The following ERI3 variants were observed in gnomAD, a reference collection of about 807,000 sequenced individuals.
ERI3 encodes ERI1 exoribonuclease family member 3.
ERI3 carries 18 observed loss-of-function variants against 44.4 expected under a neutral mutation model. The observed-to-expected ratio is 0.41, with a 90% CI of 0.28 to 0.60. The LOEUF (loss-of-function observed/expected upper bound fraction) is 0.60, where lower values mean the gene tolerates loss of function less well. Ranked by LOEUF, ERI3 falls within the 20% of genes least tolerant of loss-of-function variation. The probability of loss-of-function intolerance (pLI) is 0.36; values close to 1 mark genes in which losing one functional copy is unlikely to be tolerated. For synonymous variants in ERI3, 183 were observed against 164.8 expected, an observed-to-expected ratio of 1.11 and a Z score of -0.84; for missense variants, 294 against 435.5, an observed-to-expected ratio of 0.68 and a Z score of 2.89.
intron 7 of ERI3, among the ~76,000 whole-genome samples, chr1:44,249,560 A>G (rs1644631859): frequency 6.6e-6 from 1 of 152,114 alleles, no homozygotes; most frequent in African/African-American, 2.4e-5. Context: ...GCACCCTCTA[A>G]AGCCATTCTC....
chr1:44,284,866 T>G lies in ERI3; in HGVS notation c.800A>C (p.Asp267Ala). ...QCQYLGLPVADYFKQWINLKK... is the reference protein window; with the variant it reads ...QCQYLGLPVAAYFKQWINLKK... ...CAGATTAATCCACTGCTTGAAGTAA[T>G]CCGCCACTGGCAAGCCCAAGTACTG... Residue 267 changes from aspartate to alanine, a missense_variant, in exon 7 of 9, where the codon GAT (aspartate) becomes GCT (alanine). Physicochemically the swap from Asp to Ala is moderately radical, Grantham distance 126. Transcript: ENST00000372257. The G allele has an allele frequency of 1.2e-6, 2 of 1,614,054 alleles. No homozygotes were observed. The highest frequency in any genetic ancestry group is 1.7e-6 in the Non-Finnish European group (2 of 1,180,008).
At chr1:44,336,009 G>A (rs975033027) in intron 3 of ERI3, among the ~76,000 whole-genome samples, 2 of 151,950 alleles carry the variant, frequency 1.3e-5, no homozygotes, top group Non-Finnish European at 2.9e-5. Context: ...CGTACTCCTT[G>A]GAATAATTAC....
chr1:44,272,912 T>C (rs541274167), intron 7 of ERI3, among the ~76,000 whole-genome samples: 2 of 151,998 alleles, frequency 1.3e-5, no homozygotes, highest in African/African-American at 4.8e-5. Flanking sequence ...AAAAACAAAT[T>C]TACTATAGTT....
At chr1:44,229,137 G>A (rs1025781698) in intron 8 of ERI3, among the ~76,000 whole-genome samples, 13 of 152,198 alleles carry the variant, frequency 8.5e-5, no homozygotes, top group African/African-American at 1.9e-4. Flanking sequence ...ATTGTGCTGC[G>A]AGCCAAAGAG....
intron 2 of ERI3, among the ~76,000 whole-genome samples, chr1:44,352,017 A>G (rs907545820): frequency 3.3e-5 from 5 of 152,184 alleles, no homozygotes; most frequent in East Asian, 3.9e-4. Flanking sequence ...CCTTTTTACT[A>G]TCAGTCTCTC....
intron 7 of ERI3, among the ~76,000 whole-genome samples, chr1:44,257,716 C>T (rs1224825480): frequency 6.6e-6 from 1 of 152,178 alleles, no homozygotes; most frequent in Non-Finnish European, 1.5e-5. Context: ...CACATACACC[C>T]TCCCTCTAAC....
At chr1:44,272,495 A>G (rs1294678177) in intron 7 of ERI3, among the ~76,000 whole-genome samples, 10 of 152,150 alleles carry the variant, frequency 6.6e-5, no homozygotes, top group African/African-American at 2.4e-4. Context: ...TGGGGGGTAA[A>G]TCTCACATAC....
chr1:44,245,376 CAAG>C (rs1308777412), intron 8 of ERI3, among the ~76,000 whole-genome samples: 2 of 152,164 alleles, frequency 1.3e-5, no homozygotes, highest in African/African-American at 4.8e-5. Flanking sequence ...GACCAAGTGT[CAAG>C]AAGCCCAGTG....
intron 2 of ERI3, among the ~76,000 whole-genome samples, chr1:44,350,742 C>T (rs1035819874): frequency 6.6e-6 from 1 of 151,994 alleles, no homozygotes; most frequent in African/African-American, 2.4e-5. Flanking sequence ...ATAAGAAAAG[C>T]GTATTTATAG....
chr1:44,303,085 A>C (rs1331629367), intron 6 of ERI3, among the ~76,000 whole-genome samples: 2 of 152,228 alleles, frequency 1.3e-5, no homozygotes, highest in African/African-American at 4.8e-5. Flanking sequence ...TCACTTTTCC[A>C]GGAGTCCCAA....
chr1:44,288,006 G>A (rs1645429740), intron 6 of ERI3, among the ~76,000 whole-genome samples: 1 of 152,158 alleles, frequency 6.6e-6, no homozygotes, highest in Admixed American at 6.5e-5. Flanking sequence ...CCCTGGGAGA[G>A]GGATGGGCTC....
chr1:44,294,028 G>A (rs886349020), intron 6 of ERI3, among the ~76,000 whole-genome samples: 18 of 152,380 alleles, frequency 1.2e-4, no homozygotes, highest in African/African-American at 3.8e-4. Flanking sequence ...GCCCTCCCAC[G>A]GGTGCCCTCT....
intron 6 of ERI3, among the ~76,000 whole-genome samples, chr1:44,299,271 C>T (rs951932552): frequency 6.6e-6 from 1 of 152,070 alleles, no homozygotes; most frequent in African/African-American, 2.4e-5. Context: ...CAGCCTCAAA[C>T]TCCTGGGATC....
rs763931314 is a variant in ERI3, at chr1:44,339,073, G to A, written c.461C>T (p.Thr154Met). 6.2e-7 allele frequency: 1 copy of A among 1,613,726 alleles called. No individual in the cohort carries two copies. Residue 154 changes from threonine to methionine, a missense_variant, in exon 3 of 9, where the codon ACG becomes ATG. By Grantham distance (81) the Thr-to-Met change is moderately conservative (BLOSUM62 -1). Coordinates refer to ENST00000372257, the MANE Select transcript of ERI3 (RefSeq NM_024066.3). ...AGGATGAATCTGTGGCTTGTCGCACGTGGCCTCAAAGTCCAGCACTAAAAA... is the reference window on the plus strand; with the variant it reads ...AGGATGAATCTGTGGCTTGTCGCACATGGCCTCAAAGTCCAGCACTAAAAA... Reference protein sequence around the residue: ...HYFLVLDFEATCDKPQIHPQE... With the variant: ...HYFLVLDFEAMCDKPQIHPQE...
chr1:44,228,063 G>C lies in ERI3; in HGVS notation c.932-6423C>G, dbSNP rs1161566656. On this transcript the variant is annotated intron_variant, in intron 8 of 8. Transcript: ENST00000372257. This position sits in a 1 kb window ranked among gnomAD's most constrained non-coding sequence, Gnocchi z 4.3. ...CCCCCAGTTCCTTGTCTCAGACATGGCCTACACAGTCCCCTGCGCCCCCAT... is the reference window on the plus strand; with the variant it reads ...CCCCCAGTTCCTTGTCTCAGACATGCCCTACACAGTCCCCTGCGCCCCCAT... 1.3e-5 allele frequency among the ~76,000 whole-genome samples: 2 copies of C among 151,228 alleles called. No homozygotes were observed. The highest frequency in any genetic ancestry group is 3.9e-4 in the East Asian group (2 of 5,138).
intron 1 of ERI3, chr1:44,354,083 A>G: frequency 1.0e-6 from 1 of 985,498 alleles, no homozygotes; most frequent in Non-Finnish European, 1.2e-6. Flanking sequence ...AGAATAAAGC[A>G]GAATTTGATG....
chr1:44,298,280 C>T (rs1014386734), intron 6 of ERI3, among the ~76,000 whole-genome samples: 5 of 152,168 alleles, frequency 3.3e-5, no homozygotes, highest in South Asian at 2.1e-4. Flanking sequence ...CCAGTCTCTC[C>T]CTATCACAAG....
intron 7 of ERI3, among the ~76,000 whole-genome samples, chr1:44,278,961 A>G (rs1645234203): frequency 6.6e-6 from 1 of 152,362 alleles, no homozygotes; most frequent in Non-Finnish European, 1.5e-5. Context: ...GTGTTCTTCA[A>G]TCATACTAGC....
At chr1:44,251,790 G>C (rs896221437) in intron 7 of ERI3, among the ~76,000 whole-genome samples, 1 of 152,196 alleles carries the variant, frequency 6.6e-6, no homozygotes, top group African/African-American at 2.4e-5. Context: ...TCTCAACTCT[G>C]TGTACCTGGC....
Sources: gnomAD v4.1 joint callset for allele counts (sites outside exome capture counted in the v4.1 genomes callset) on GRCh38, gnomAD v4.1.1 for gene constraint, Gnocchi (gnomAD v3.1) non-coding constraint, MANE v1.5 for transcripts, NCBI Gene and HGNC (gene_info 2026-07-23, HGNC 2026-07-21) for gene names.